Variants in GBE1 observed in about 807,000 individuals in gnomAD.
The protein encoded by GBE1 is 1,4-alpha-glucan branching enzyme 1, also known as 1,4-alpha-glucan-branching enzyme.
GBE1 carries 70 observed loss-of-function variants against 88.8 expected under a neutral mutation model. That is an observed-to-expected ratio of 0.79 (90% CI 0.65 to 0.96). The LOEUF is 0.96. Ranked by LOEUF, GBE1 falls within the 40% of genes least tolerant of loss-of-function variation. The pLI is 0.00. For missense variants in GBE1, 872 were observed against 871.0 expected (o/e 1.00, Z -0.01); for synonymous variants, 284 against 300.1 (o/e 0.95, Z 0.56).
At chr3:81,515,863 C>G (rs1426696465) in intron 14 of GBE1, among the ~76,000 whole-genome samples, 1 of 151,558 alleles carries the variant, frequency 6.6e-6, no homozygotes, top group African/African-American at 2.4e-5. Context: ...TAAGTCAAAG[C>G]CTAATCCAGC....
At chr3:81,741,175 TTAAG>T (rs1278969322) in intron 1 of GBE1, among the ~76,000 whole-genome samples, 1 of 152,184 alleles carries the variant, frequency 6.6e-6, no homozygotes, top group Non-Finnish European at 1.5e-5. Flanking sequence ...CCATAAAATA[TTAAG>T]TGTCTAAAAC....
At chr3:81,537,687 A>G (rs1703095698) in intron 12 of GBE1, among the ~76,000 whole-genome samples, 1 of 151,920 alleles carries the variant, frequency 6.6e-6, no homozygotes, top group South Asian at 2.1e-4. Context: ...TATCTTGTAA[A>G]CTTCAGGTGC....
chr3:81,557,516 G>A (rs1439563253), intron 12 of GBE1, among the ~76,000 whole-genome samples: 1 of 151,706 alleles, frequency 6.6e-6, no homozygotes, highest in Non-Finnish European at 1.5e-5. Flanking sequence ...AAAGGAGAAG[G>A]GAGAAGGACA....
At chr3:81,729,552 G>A (rs1442874145) in intron 1 of GBE1, among the ~76,000 whole-genome samples, 4 of 152,150 alleles carry the variant, frequency 2.6e-5, no homozygotes, top group Admixed American at 1.3e-4. Flanking sequence ...GCATAATCTT[G>A]GGAAGAAAGT....
At chr3:81,652,501 A>G in intron 3 of GBE1, among the ~76,000 whole-genome samples, 1 of 152,182 alleles carries the variant, frequency 6.6e-6, no homozygotes, top group East Asian at 1.9e-4. Context: ...TGAGTGGAGT[A>G]TTTTAATTTC....
At chr3:81,743,002 A>G (rs923464733) in intron 1 of GBE1, among the ~76,000 whole-genome samples, 2 of 152,128 alleles carry the variant, frequency 1.3e-5, no homozygotes, top group Non-Finnish European at 2.9e-5. Flanking sequence ...CCAGACCCCT[A>G]GTCAATACAC....
At chr3:81,509,252 C>T (rs1702692350) in intron 14 of GBE1, among the ~76,000 whole-genome samples, 1 of 148,338 alleles carries the variant, frequency 6.7e-6, no homozygotes. Flanking sequence ...GTACATAGAA[C>T]TCTTTGAGGA....
chr3:81,759,913 G>A (rs1233159594), intron 1 of GBE1, among the ~76,000 whole-genome samples: 1 of 151,912 alleles, frequency 6.6e-6, no homozygotes, highest in Non-Finnish European at 1.5e-5. Context: ...TATCTTAAGT[G>A]TCCTTTTACA....
At chr3:81,505,734 C>T (rs960197963) in intron 14 of GBE1, among the ~76,000 whole-genome samples, 7 of 151,748 alleles carry the variant, frequency 4.6e-5, no homozygotes, top group East Asian at 1.9e-4. Context: ...GGAGGGGTGT[C>T]GTGGTCGGGG....
At chr3:81,704,095 T>C (rs2107166838) in intron 2 of GBE1, among the ~76,000 whole-genome samples, 2 of 152,068 alleles carry the variant, frequency 1.3e-5, no homozygotes, top group East Asian at 3.9e-4. Flanking sequence ...AAGAAAAGAA[T>C]GAAATTCTCA....
At chr3:81,699,893 C>A (rs1051420834) in intron 2 of GBE1, among the ~76,000 whole-genome samples, 1 of 152,184 alleles carries the variant, frequency 6.6e-6, no homozygotes, top group Non-Finnish European at 1.5e-5. Flanking sequence ...GATGATTTGG[C>A]CTTCATGCCT....
At chr3:81,700,276 T>A (rs1410847239) in intron 2 of GBE1, among the ~76,000 whole-genome samples, 2 of 152,170 alleles carry the variant, frequency 1.3e-5, no homozygotes, top group African/African-American at 4.8e-5. Flanking sequence ...ATCAGAATTA[T>A]ACCCCGAACC....
intron 12 of GBE1, among the ~76,000 whole-genome samples, chr3:81,560,923 G>A (rs1703407287): frequency 6.6e-6 from 1 of 151,846 alleles, no homozygotes; most frequent in African/African-American, 2.4e-5. Flanking sequence ...CATTTCTACA[G>A]AACTGTTTAT....
chr3:81,586,957 AT>A (rs1288274573), intron 9 of GBE1, among the ~76,000 whole-genome samples: 2 of 151,830 alleles, frequency 1.3e-5, no homozygotes, highest in African/African-American at 2.4e-5. Flanking sequence ...CTCAGCTAAT[AT>A]TTTTTATATT....
At chr3:81,633,016 T>A (rs993806447) in intron 7 of GBE1, among the ~76,000 whole-genome samples, 3 of 152,218 alleles carry the variant, frequency 2.0e-5, no homozygotes, top group African/African-American at 7.2e-5. Context: ...GTTCCACAAT[T>A]GTTCTGAATT....
At chr3:81,496,965 G>C (rs1474348656) in intron 15 of GBE1, among the ~76,000 whole-genome samples, 1 of 152,158 alleles carries the variant, frequency 6.6e-6, no homozygotes, top group Admixed American at 6.6e-5. Flanking sequence ...TTACAATTCT[G>C]TTGCAGGCAG....
At chr3:81,584,685 A>C (rs1703776494) in intron 10 of GBE1, among the ~76,000 whole-genome samples, 1 of 151,516 alleles carries the variant, frequency 6.6e-6, no homozygotes, top group African/African-American at 2.4e-5. Flanking sequence ...TATCATGTAT[A>C]ATAAGTAAGT....
intron 12 of GBE1, among the ~76,000 whole-genome samples, chr3:81,545,517 T>A (rs1232704741): frequency 6.6e-6 from 1 of 152,100 alleles, no homozygotes; most frequent in South Asian, 2.1e-4. Flanking sequence ...CAGAACTCAG[T>A]GCTCAAGAGA....
At chr3:81,631,796 A>G (rs956891177) in intron 7 of GBE1, among the ~76,000 whole-genome samples, 2 of 151,964 alleles carry the variant, frequency 1.3e-5, no homozygotes, top group Non-Finnish European at 2.9e-5. Flanking sequence ...AAACACTTTG[A>G]AATTATATTT....
Sources: gnomAD v4.1 joint callset for allele counts (sites outside exome capture counted in the v4.1 genomes callset) on GRCh38, gnomAD v4.1.1 for gene constraint, MANE v1.5 for transcripts, NCBI Gene and HGNC (gene_info 2026-07-23, HGNC 2026-07-21) for gene names.